DUOX2: variants seen among roughly 807,000 people sequenced by gnomAD.
The protein encoded by DUOX2 is dual oxidase 2, also known as NADH/NADPH thyroid oxidase p138-tox.
In DUOX2, 185 loss-of-function variants were observed where a neutral mutation model predicts 183.3. The ratio of observed to expected loss-of-function variants is 1.01; its 90% confidence interval spans 0.90 to 1.14. DUOX2 has a LOEUF of 1.14. Ranked by LOEUF, DUOX2 falls within the 50% of genes most tolerant of loss-of-function variation. DUOX2 has a pLI of 0.00. For synonymous variants in DUOX2, 788 were observed against 812.4 expected (o/e 0.97, Z 0.51); for missense variants, 1,999 against 2,022.9 (o/e 0.99, Z 0.23).
At chr15:45,099,556 C>CATAGGGAGGAGAGATGGAGGT in intron 25 of DUOX2, 74 bp from the exon 26 acceptor site, 1 of 1,580,448 alleles carries the variant, frequency 6.3e-7, no homozygotes, top group South Asian at 1.1e-5. Flanking sequence ...AGAGAGGAGG[C>CATAGGGAGGAGAGATGGAGGT]ATAGGGAGGA....
chr15:45,106,462 T>TTCTCCCAGACTCCTGTC, intron 16 of DUOX2, 66 bp downstream of exon 16: 15 of 1,598,212 alleles, frequency 9.4e-6, no homozygotes, highest in Non-Finnish European at 1.3e-5. Context: ...ACTTGGTTCT[T>TTCTCCCAGACTCCTGTC]TCTCCCAGAC....
chr15:45,106,037 G>T, intron 17 of DUOX2, 88 bp downstream of exon 17: 1 of 1,498,990 alleles, frequency 6.7e-7, no homozygotes, highest in East Asian at 2.3e-5. Flanking sequence ...TCATAGTTGA[G>T]CTCTGTAGCT....
intron 23 of DUOX2, 200 bp downstream of exon 23, chr15:45,100,555 A>G (rs1265414223): frequency 1.5e-6 from 1 of 653,358 alleles, no homozygotes; most frequent in Non-Finnish European, 2.7e-6. Context: ...TTGAGCCAGG[A>G]CCCTTGCCTG....
intron 12 of DUOX2, 45 bp from the exon 13 acceptor site, chr15:45,108,267 G>A: frequency 6.2e-7 from 1 of 1,606,206 alleles, no homozygotes. Flanking sequence ...GTTTGCTGCG[G>A]AGGGCAGCCA....
chr15:45,105,989 G>C, intron 17 of DUOX2, 136 bp downstream of exon 17: 1 of 1,371,820 alleles, frequency 7.3e-7, no homozygotes, highest in South Asian at 1.2e-5. Context: ...TTGTGTCTGG[G>C]GGCCTCTGAA....
chr15:45,106,456 G>T (rs1894215466), intron 16 of DUOX2, 72 bp downstream of exon 16: 2 of 1,588,766 alleles, frequency 1.3e-6, no homozygotes, highest in Non-Finnish European at 1.7e-6. Context: ...TCTGTAACTT[G>T]GTTCTTTCTC....
intron 29 of DUOX2, among the ~76,000 whole-genome samples, chr15:45,096,289 A>G (rs561061632): frequency 6.7e-6 from 1 of 150,328 alleles, no homozygotes; most frequent in African/African-American, 2.5e-5. Flanking sequence ...CCTCCTCTCT[A>G]CTCCCTCTTC....
At chr15:45,113,735 C>G (rs1458954424) in intron 1 of DUOX2, among the ~76,000 whole-genome samples, 3 of 152,156 alleles carry the variant, frequency 2.0e-5, no homozygotes, top group African/African-American at 7.2e-5. Flanking sequence ...CAGGACTGGT[C>G]AAGCCTCCCA....
chr15:45,098,866 G>A (rs758466993), intron 26 of DUOX2, among the ~76,000 whole-genome samples: 4 of 151,788 alleles, frequency 2.6e-5, no homozygotes, highest in Non-Finnish European at 2.9e-5. Flanking sequence ...ACAATGCCCC[G>A]CTAATCTTTT....
rs543451367 is a variant in DUOX2 at position 45,095,081 on chromosome 15, A to G, written c.4250T>C (p.Ile1417Thr). The G allele has an allele frequency of 1.4e-5, 22 of 1,613,798 alleles. No homozygotes were observed. In the South Asian group the frequency reaches 2.0e-4, roughly 15 times the overall value. Residue 1417 changes from isoleucine to threonine, a missense_variant, in exon 32 of 34, where the codon ATC (isoleucine) becomes ACC (threonine). Coordinates refer to ENST00000389039, the MANE Select transcript of DUOX2 (RefSeq NM_001363711.2). ...CTGACGCTGGGTCCGTGTCACCCAG[A>G]TGAAGTAGATCTGGGGACACAGGGC... is the stretch of plus-strand genomic sequence containing the variant. ...SQMLCKKIYF[I>T]WVTRTQRQFE...
At chr15:45,109,408 G>A in intron 11 of DUOX2, 116 bp downstream of exon 11, 1 of 852,140 alleles carries the variant, frequency 1.2e-6, no homozygotes, top group Non-Finnish European at 2.0e-6. Context: ...CTTGAAGTCT[G>A]TGTTTGTATC....
chr15:45,099,334 C>T (rs756136161), intron 26 of DUOX2, 49 bp downstream of exon 26: 4 of 1,556,088 alleles, frequency 2.6e-6, no homozygotes, highest in Admixed American at 1.7e-5. Context: ...TCTATTATAC[C>T]CTTGGGCCCA....
In DUOX2 at chr15:45,109,932, G is replaced by T; in HGVS notation, c.1089C>A (p.Ser363Arg). ...FRKVLNKGFQSSQALRVCNNY... is the reference protein window; with the variant it reads ...FRKVLNKGFQRSQALRVCNNY... ...TGTTGCAGACCCTGAGAGCTTGGGA[G>T]CTTTGAAAACCCTTGTTCAGGACCT... is the stretch of plus-strand genomic sequence containing the variant. Residue 363 changes from serine (S) to arginine (R), a missense_variant, in exon 10 of 34, where the codon AGC (serine) becomes AGA (arginine). Coordinates refer to ENST00000389039, the MANE Select transcript of DUOX2 (RefSeq NM_001363711.2). The T allele has an allele frequency of 6.2e-7, 1 of 1,614,164 alleles. No individual in the cohort carries two copies. Among genetic ancestry groups the T allele is most frequent in the Non-Finnish European group, 8.5e-7 (1 of 1,180,042 alleles).
Position 45,105,686 on chromosome 15 carries a change from C to A in DUOX2, c.2291G>T (p.Arg764Leu). ...LFRKAVTKQQ[R>L]ERILEIFFRH... ...GAAGAAGATCTCCAGGATGCGTTCC[C>A]GCTGCTGCTTTGTCACAGCCTTCCT... is the stretch of plus-strand genomic sequence containing the variant. Residue 764 changes from arginine to leucine, a missense_variant, in exon 18 of 34, where the codon CGG becomes CTG. Arg to Leu is a moderately radical substitution (Grantham distance 102). Transcript: ENST00000389039. 6.2e-7 allele frequency: 1 copy of A among 1,614,232 alleles called. No individual in the cohort carries two copies. Among genetic ancestry groups the A allele is most frequent in the Non-Finnish European group, 8.5e-7 (1 of 1,180,052 alleles).
chr15:45,099,427 G>A lies in DUOX2; in HGVS notation c.3471C>T (p.Leu1157=). The A allele has an allele frequency of 6.2e-7, 1 of 1,614,152 alleles. No homozygotes were observed. Among genetic ancestry groups the A allele is most frequent in the Non-Finnish European group, 8.5e-7 (1 of 1,180,040 alleles). The stretch of plus-strand genomic sequence containing the variant: ...TGGGGAATATGCAGGCCAGCAGGCT[G>A]AGTGGGCTGACTGAGAAGATGTAGA... ...VNVYIFSVSP[L]SLLACIFPNV... The change falls in exon 26 of 34, where the codon CTC becomes CTT. Residue 1157 remains leucine (L), a synonymous_variant. Transcript: ENST00000389039.
chr15:45,103,597 C>T (rs1894135020), intron 20 of DUOX2, among the ~76,000 whole-genome samples: 1 of 152,216 alleles, frequency 6.6e-6, no homozygotes, highest in African/African-American at 2.4e-5. Flanking sequence ...TTCACTGTTT[C>T]ACTGGGTAGA....
chr15:45,111,629 C>T (rs1172967027), intron 5 of DUOX2, 44 bp from the exon 6 acceptor site: 6 of 1,493,050 alleles, frequency 4.0e-6, no homozygotes, highest in Admixed American at 4.6e-5. Flanking sequence ...GAGGCGGCGG[C>T]GGGCCAGGGA....
intron 21 of DUOX2, 105 bp downstream of exon 21, chr15:45,101,688 A>T: frequency 6.8e-7 from 1 of 1,468,198 alleles, no homozygotes; most frequent in Non-Finnish European, 9.5e-7. Flanking sequence ...TATACTAGGT[A>T]CCAAGGACTC....
At chr15:45,094,820 C>T in intron 32 of DUOX2, 116 bp downstream of exon 32, 1 of 1,594,016 alleles carries the variant, frequency 6.3e-7, no homozygotes, top group South Asian at 1.1e-5. Context: ...AGGCCATCAG[C>T]TCTGTGCCTC....
Sources: gnomAD v4.1 joint callset for allele counts (sites outside exome capture counted in the v4.1 genomes callset) on GRCh38, gnomAD v4.1.1 for gene constraint, MANE v1.5 for transcripts, NCBI Gene and HGNC (gene_info 2026-07-23, HGNC 2026-07-21) for gene names.